Variants in RGPD2 observed in about 807,000 individuals in gnomAD.
RGPD2 encodes RANBP2-like and GRIP domain-containing protein 2.
In RGPD2, 2 loss-of-function variants were observed where a neutral mutation model predicts 36.0. The observed-to-expected ratio is 0.06, with a 90% CI of 0.02 to 0.17. RGPD2 has a LOEUF of 0.17. RGPD2 is among the 10% of genes least tolerant of loss of function. The pLI, the probability that RGPD2 is intolerant of heterozygous loss-of-function variation, is 1.00. For synonymous variants in RGPD2, 19 were observed against 163.8 expected, an observed-to-expected ratio of 0.12 and a Z score of 6.75; for missense variants, 40 against 464.3, an observed-to-expected ratio of 0.09 and a Z score of 8.40.
At chr2:87,967,355 C>A in the RGPD2 span, among the ~76,000 whole-genome samples, 1 of 149,948 alleles carries the variant, frequency 6.7e-6, no homozygotes, top group African/African-American at 2.5e-5. Context: ...TTGCAGTGAG[C>A]CGAGATTGCG....
At chr2:87,985,822 C>T in the RGPD2 span, 10 of 1,611,416 alleles carry the variant, frequency 6.2e-6, no homozygotes, top group Non-Finnish European at 7.6e-6. Flanking sequence ...CTGGGTCCTA[C>T]TGGAGCACTG....
the RGPD2 span, chr2:87,985,755 T>A: frequency 1.9e-6 from 3 of 1,609,038 alleles, no homozygotes; most frequent in Non-Finnish European, 1.7e-6. Flanking sequence ...GCGGTCTGTG[T>A]TAAAACCCAT....
the RGPD2 span, among the ~76,000 whole-genome samples, chr2:87,873,149 T>C: frequency 7.9e-5 from 12 of 152,096 alleles, no homozygotes; most frequent in Non-Finnish European, 1.8e-4. Flanking sequence ...ACTCCATCCA[T>C]GTCCCTACAA....
At chr2:87,951,413 G>A in the RGPD2 span, among the ~76,000 whole-genome samples, 2 of 152,016 alleles carry the variant, frequency 1.3e-5, no homozygotes, top group African/African-American at 4.8e-5. Context: ...TAGACAGAGA[G>A]AACCCCTGAG....
intron 20 of RGPD2, among the ~76,000 whole-genome samples, chr2:87,777,266 AACT>A (rs1313889090): frequency 3.8e-4 from 2 of 5,238 alleles, no homozygotes; most frequent in Admixed American, 4.0e-3. Context: ...TCAAACTTTT[AACT>A]ACGTTAGTCA....
chr2:87,870,106 C>A, the RGPD2 span, among the ~76,000 whole-genome samples: 29 of 152,398 alleles, frequency 1.9e-4, no homozygotes, highest in East Asian at 5.6e-3. Context: ...AACTTCTGAT[C>A]TCTCTGCACA....
At chr2:87,988,524 A>T in the RGPD2 span, among the ~76,000 whole-genome samples, 82 of 42,818 alleles carry the variant, frequency 1.9e-3, 2 homozygotes, top group East Asian at 0.024. Context: ...TATACATATA[A>T]ATATATATAT....
At chr2:87,960,290 CCT>C in the RGPD2 span, among the ~76,000 whole-genome samples, 4 of 122,786 alleles carry the variant, frequency 3.3e-5, no homozygotes, top group Admixed American at 9.1e-5. Flanking sequence ...TCATTTCTTC[CCT>C]CTCTTTCTGC....
chr2:87,781,590 AGCT>A (rs1483918719), intron 20 of RGPD2, among the ~76,000 whole-genome samples: 1 of 150,552 alleles, frequency 6.6e-6, no homozygotes, highest in Non-Finnish European at 1.5e-5. Flanking sequence ...CCTCCTGAGT[AGCT>A]GCTAATTATA....
the RGPD2 span, among the ~76,000 whole-genome samples, chr2:87,857,016 A>T: frequency 6.6e-6 from 1 of 152,228 alleles, no homozygotes; most frequent in Non-Finnish European, 1.5e-5. Context: ...GCTTGTCATT[A>T]TCCAACATTT....
chr2:87,864,398 G>C, the RGPD2 span, among the ~76,000 whole-genome samples: 1 of 152,340 alleles, frequency 6.6e-6, no homozygotes, highest in South Asian at 2.1e-4. Flanking sequence ...TTCATACTTG[G>C]ACTTTGTCAT....
At chr2:87,944,743 TAA>T in the RGPD2 span, among the ~76,000 whole-genome samples, 2 of 125,288 alleles carry the variant, frequency 1.6e-5, no homozygotes, top group African/African-American at 3.8e-5. Flanking sequence ...TTATTTTTCC[TAA>T]GTGTCATTTA....
chr2:87,849,463 C>CT, the RGPD2 span, among the ~76,000 whole-genome samples: 86 of 151,786 alleles, frequency 5.7e-4, no homozygotes, highest in Middle Eastern at 3.4e-3. Flanking sequence ...ATTTTTTTTC[C>CT]TTTTTTCCAA....
At chr2:87,807,286 C>T (rs2674170) in intron 6 of RGPD2, among the ~76,000 whole-genome samples, 1 of 144,736 alleles carries the variant, frequency 6.9e-6, no homozygotes. Flanking sequence ...ATTAGACATA[C>T]CATTTCCAAA....
At chr2:87,882,157 G>C in the RGPD2 span, among the ~76,000 whole-genome samples, 17 of 152,268 alleles carry the variant, frequency 1.1e-4, no homozygotes, top group South Asian at 2.9e-3. Context: ...ATGAGATTTG[G>C]AGAGGACATC....
the RGPD2 span, among the ~76,000 whole-genome samples, chr2:87,839,747 A>G: frequency 6.6e-6 from 1 of 152,040 alleles, no homozygotes; most frequent in East Asian, 1.9e-4. Flanking sequence ...AAAACATGGA[A>G]CAGTAAATAC....
chr2:87,963,672 CCT>C, the RGPD2 span, among the ~76,000 whole-genome samples: 1 of 77,748 alleles, frequency 1.3e-5, no homozygotes, highest in Non-Finnish European at 2.2e-5. Flanking sequence ...AGAGAAAGAC[CCT>C]GTCTCAAAAA....
the RGPD2 span, among the ~76,000 whole-genome samples, chr2:87,979,026 G>A: frequency 6.7e-6 from 1 of 148,756 alleles, no homozygotes; most frequent in Non-Finnish European, 1.5e-5. Flanking sequence ...TTGAGGCCAG[G>A]AGTTTGAGAC....
chr2:87,843,397 C>A, the RGPD2 span, among the ~76,000 whole-genome samples: 3 of 124,226 alleles, frequency 2.4e-5, no homozygotes, highest in African/African-American at 9.5e-5. Flanking sequence ...AAAAAGTGAG[C>A]GAAGGACATG....
Sources: gnomAD v4.1 joint callset for allele counts (sites outside exome capture counted in the v4.1 genomes callset) on GRCh38, gnomAD v4.1.1 for gene constraint, MANE v1.5 for transcripts, NCBI Gene and HGNC (gene_info 2026-07-23, HGNC 2026-07-21) for gene names.